The following TTC39A variants were observed in gnomAD, a reference collection of about 807,000 sequenced individuals.
TTC39A encodes tetratricopeptide repeat protein 39A.
Under a neutral mutation model 82.3 loss-of-function variants are expected in TTC39A, and 46 were observed. That is an observed-to-expected ratio of 0.56 (90% CI 0.44 to 0.71). TTC39A has a LOEUF of 0.71. Among genes scored for constraint, TTC39A ranks in the 30% least tolerant of loss-of-function variants. The pLI is 0.00. For synonymous variants in TTC39A, 254 were observed against 275.2 expected (o/e 0.92, Z 0.76); for missense variants, 543 against 712.9 (o/e 0.76, Z 2.71).
chr1:51,324,904 T>C, intron 1 of TTC39A, among the ~76,000 whole-genome samples: 1 of 152,136 alleles, frequency 6.6e-6, no homozygotes, highest in East Asian at 1.9e-4. Context: ...GAGAGAATGT[T>C]GGAAGCATTA....
chr1:51,291,628 CA>C (rs58825279), intron 14 of TTC39A, among the ~76,000 whole-genome samples: 4,795 of 49,966 alleles, frequency 0.096, 95 homozygotes, highest in Middle Eastern at 0.23. Context: ...CCATCTCCAC[CA>C]AAAAAAAAAA....
rs949640493 is a variant in TTC39A at position 51,330,441 on chromosome 1, C to G, written c.37G>C (p.Ala13Pro). ...GCCTCCCAGCCGCGCACTTACCCCG[C>G]GGGCAGGGCTCCTGGGGCGCCGCCA... ...SAGGAPGALPAGTPESSLHEA... is the reference protein window; with the variant it reads ...SAGGAPGALPPGTPESSLHEA... Residue 13 changes from alanine to proline, a missense_variant, in exon 1 of 18, where the codon GCG becomes CCG. Transcript: ENST00000680483. This position sits in a 1 kb window ranked among gnomAD's most constrained non-coding sequence, Gnocchi z 4.5. 2 of 982,972 alleles carry G rather than the reference C, an allele frequency of 2.0e-6. No homozygotes were observed. The highest frequency in any genetic ancestry group is 2.4e-6 in the Non-Finnish European group (2 of 829,758). The allele number at this position is 982,972 out of a possible 1,614,324, so 60.9% of individuals were successfully genotyped here. A position where few individuals can be genotyped will look rare whatever the true frequency, so the allele number is the denominator to read the frequency against.
intron 2 of TTC39A, among the ~76,000 whole-genome samples, chr1:51,313,983 C>T (rs561594942): frequency 8.5e-5 from 13 of 152,386 alleles, no homozygotes; most frequent in East Asian, 3.9e-4. Flanking sequence ...GCACGGGCCA[C>T]GCTGAACTGA....
chr1:51,290,248 G>C lies in TTC39A; in HGVS notation c.1379-129C>G, dbSNP rs1644152539. 6 of 839,978 alleles carry C rather than the reference G, an allele frequency of 7.1e-6. No homozygotes were observed. The South Asian group carries it at 8.9e-5, about 12-fold the overall frequency. The allele number at this position is 839,978 out of a possible 1,614,324, so 52.0% of individuals were successfully genotyped here. ...CAGACACAGTCCCTGTCCTCAGCAG[G>C]GGTCACATCTAAGAAGGAAAGGCAA... On this transcript the variant is annotated intron_variant, in intron 15 of 17. Coordinates refer to ENST00000680483, the MANE Select transcript of TTC39A (RefSeq NM_001297663.2).
In TTC39A at chr1:51,330,417, C is replaced by A; in HGVS notation, c.41+20G>T. On this transcript the variant is annotated intron_variant, in intron 1 of 17. Coordinates refer to ENST00000680483, the MANE Select transcript of TTC39A (RefSeq NM_001297663.2). The surrounding 1 kb of genome is among the most constrained non-coding windows in gnomAD (Gnocchi z 4.5). Reference sequence around the variant, plus strand: ...AGCCCGCGCCGCCCGCGCCCCCGGGCCTCCCAGCCGCGCACTTACCCCGCG... The same window carrying A: ...AGCCCGCGCCGCCCGCGCCCCCGGGACTCCCAGCCGCGCACTTACCCCGCG... The A allele has an allele frequency of 1.0e-6, 1 of 981,492 alleles. No individual in the cohort carries two copies. The highest frequency in any genetic ancestry group is 1.2e-6 in the Non-Finnish European group (1 of 829,104). The allele number at this position is 981,492 out of a possible 1,614,324, so 60.8% of individuals were successfully genotyped here. A position where few individuals can be genotyped will look rare whatever the true frequency, so the allele number is the denominator to read the frequency against.
chr1:51,304,719 T>C (rs1644807369), intron 8 of TTC39A, among the ~76,000 whole-genome samples: 1 of 152,092 alleles, frequency 6.6e-6, no homozygotes, highest in South Asian at 2.1e-4. Flanking sequence ...AAATGGTCCT[T>C]GGGGGAAGGA....
upstream of TTC39A, among the ~76,000 whole-genome samples, chr1:51,335,922 C>T (rs771549799): frequency 3.7e-4 from 57 of 152,298 alleles, 1 homozygote; most frequent in Middle Eastern, 6.8e-3. Context: ...CCCAAACTCT[C>T]AGGGATGCTG....
intron 1 of TTC39A, among the ~76,000 whole-genome samples, chr1:51,325,643 A>T (rs1041812271): frequency 6.6e-6 from 1 of 152,186 alleles, no homozygotes; most frequent in Non-Finnish European, 1.5e-5. Flanking sequence ...ATCCAAGCTA[A>T]GGTCACACAT....
chr1:51,333,522 A>C (rs1186041635), upstream of TTC39A, among the ~76,000 whole-genome samples: 3 of 152,250 alleles, frequency 2.0e-5, no homozygotes, highest in East Asian at 5.8e-4. Context: ...CCTTTACTGT[A>C]TTTGACCAAC....
At position 51,302,527 on chromosome 1, in the gene TTC39A, G is replaced by A; in HGVS notation, c.810C>T (p.Pro270=). ...NIEEAEKLLK[P]YLNRYPKGAI... Reference sequence around the variant, plus strand: ...TCACCTTAGGGTACCGGTTCAGGTAGGGCTTCAAGAGCTTCTCGGCCTCCT... The same window carrying A: ...TCACCTTAGGGTACCGGTTCAGGTAAGGCTTCAAGAGCTTCTCGGCCTCCT... Residue 270 remains proline, a synonymous_variant, in exon 10 of 18, where the codon CCC becomes CCT. Transcript: ENST00000680483. 6.2e-7 allele frequency: 1 copy of A among 1,609,486 alleles called. No individual in the cohort carries two copies. The highest frequency in any genetic ancestry group is 1.1e-5 in the South Asian group (1 of 89,882).
At chr1:51,301,387 C>T (rs1644649567) in intron 12 of TTC39A, 185 bp downstream of exon 12, 1 of 660,024 alleles carries the variant, frequency 1.5e-6, no homozygotes, top group South Asian at 2.5e-5. Context: ...CTTTGTGACA[C>T]ATTGTGGTTC....
chr1:51,316,359 C>G (rs1421385879), intron 2 of TTC39A, among the ~76,000 whole-genome samples: 4 of 152,214 alleles, frequency 2.6e-5, no homozygotes, highest in African/African-American at 9.6e-5. Flanking sequence ...CCTGCCCATA[C>G]TGGCTCATCA....
chr1:51,290,556 C>G lies in TTC39A; in HGVS notation c.1336G>C (p.Glu446Gln), dbSNP rs144699723. The change falls in exon 15 of 18, where the codon GAG (glutamate) becomes CAG (glutamine). Residue 446 changes from glutamate (E) to glutamine (Q), a missense_variant. Transcript: ENST00000680483. ...KQPKLTDGIL[E>Q]IITKAEEMLE... is the part of the protein sequence containing the mutation. Reference sequence around the variant, plus strand: ...ATCTCTTCAGCCTTAGTGATAATCTCAAGTATCCCATCCGTGAGTTTCGGC... The same window carrying G: ...ATCTCTTCAGCCTTAGTGATAATCTGAAGTATCCCATCCGTGAGTTTCGGC... 1,918 of 1,613,994 alleles carry G rather than the reference C, an allele frequency of 1.2e-3. 2 individuals are homozygous for G. The highest frequency in any genetic ancestry group is 1.4e-3 in the Non-Finnish European group (1,669 of 1,179,864).
intron 1 of TTC39A, among the ~76,000 whole-genome samples, chr1:51,344,751 C>T (rs954771813): frequency 6.6e-6 from 1 of 152,240 alleles, no homozygotes; most frequent in African/African-American, 2.4e-5. Flanking sequence ...CGACACTGAG[C>T]GGCGCTCAGG....
rs1321689999 is a variant in TTC39A at position 51,330,214 on chromosome 1, G to A, written c.41+223C>T. The stretch of plus-strand genomic sequence containing the variant: ...CCGTGAGAAAGTTGGGACCCAGAAG[G>A]TGAGTGACCGACCCGGGGTCCCCGC... On this transcript the variant is annotated intron_variant, in intron 1 of 17. Coordinates refer to ENST00000680483, the MANE Select transcript of TTC39A (RefSeq NM_001297663.2). This position sits in a 1 kb window ranked among gnomAD's most constrained non-coding sequence, Gnocchi z 4.5. 4.1e-6 allele frequency: 4 copies of A among 985,380 alleles called. No homozygotes were observed. Among genetic ancestry groups the A allele is most frequent in the Non-Finnish European group, 4.8e-6 (4 of 830,042 alleles). 61.0% of individuals were successfully genotyped at this position (985,380 alleles called of 1,614,324 possible). A position where few individuals can be genotyped will look rare whatever the true frequency, so the allele number is the denominator to read the frequency against.
chr1:51,302,451 G>A (rs774341795), intron 10 of TTC39A, 35 bp from the exon 11 acceptor site: 11 of 1,605,860 alleles, frequency 6.8e-6, no homozygotes, highest in Middle Eastern at 1.6e-4. Context: ...GTGTGGGTCC[G>A]TGGGGTCTGT....
chr1:51,315,489 G>C (rs1036452275), intron 2 of TTC39A, among the ~76,000 whole-genome samples: 4 of 152,192 alleles, frequency 2.6e-5, no homozygotes, highest in Non-Finnish European at 5.9e-5. Flanking sequence ...TCAGGATAGG[G>C]AGGGCACTGG....
chr1:51,291,208 G>T (rs993312516), intron 14 of TTC39A, among the ~76,000 whole-genome samples: 3 of 151,906 alleles, frequency 2.0e-5, no homozygotes, highest in South Asian at 2.1e-4. Context: ...AATTTGGGGG[G>T]GGCCAGGCAC....
At chr1:51,296,818 G>C (rs1644448234) in intron 12 of TTC39A, 1 of 156,858 alleles carries the variant, frequency 6.4e-6, no homozygotes, top group African/African-American at 2.4e-5. Flanking sequence ...CAGAGCTACT[G>C]GGGCAGAGCC....
Sources: allele counts gnomAD v4.1 joint callset (sites outside exome capture counted in the v4.1 genomes callset), GRCh38; gene constraint gnomAD v4.1.1; non-coding constraint Gnocchi (gnomAD v3.1); transcripts MANE v1.5; gene names NCBI Gene and HGNC (gene_info 2026-07-23, HGNC 2026-07-21).